Variants in GAS2 observed in about 807,000 individuals in gnomAD.
GAS2 encodes the protein growth arrest specific 2.
GAS2 carries 20 observed loss-of-function variants against 37.5 expected under a neutral mutation model. The ratio of observed to expected loss-of-function variants is 0.53; its 90% CI spans 0.37 to 0.77. GAS2 has a LOEUF of 0.77. Among genes scored for constraint, GAS2 ranks in the 30% least tolerant of loss-of-function variants. GAS2 has a pLI of 0.00. For synonymous variants in GAS2, 144 were observed against 132.2 expected (o/e 1.09, Z -0.61); for missense variants, 336 against 373.4 (o/e 0.90, Z 0.82).
chr11:22,715,854 A>T (rs1851649621), intron 3 of GAS2, among the ~76,000 whole-genome samples: 1 of 152,224 alleles, frequency 6.6e-6, no homozygotes, highest in South Asian at 2.1e-4. Context: ...TTAATCAAGT[A>T]TTACCCTAAT....
chr11:22,652,888 C>T (rs866203786), intron 1 of GAS2, among the ~76,000 whole-genome samples: 2 of 152,234 alleles, frequency 1.3e-5, no homozygotes, highest in African/African-American at 2.4e-5. Context: ...TCTTCTGCGT[C>T]GCTCACGCTG....
chr11:22,644,013 A>G (rs2133821146), intron 1 of GAS2, among the ~76,000 whole-genome samples: 1 of 152,184 alleles, frequency 6.6e-6, no homozygotes, highest in East Asian at 1.9e-4. Context: ...AAATGTCTTA[A>G]GAGAATTAAT....
intron 3 of GAS2, among the ~76,000 whole-genome samples, chr11:22,712,095 T>C (rs1193140491): frequency 6.6e-6 from 1 of 152,016 alleles, no homozygotes; most frequent in African/African-American, 2.4e-5. Flanking sequence ...GCCAACCAAC[T>C]CAAGTCATTA....
chr11:22,802,967 C>T (rs1856732699), intron 7 of GAS2, among the ~76,000 whole-genome samples: 1 of 152,096 alleles, frequency 6.6e-6, no homozygotes, highest in South Asian at 2.1e-4. Flanking sequence ...TCTTATGTAG[C>T]TTAGGTGTGT....
chr11:22,715,621 A>G (rs1022105235), intron 3 of GAS2, among the ~76,000 whole-genome samples: 2 of 152,060 alleles, frequency 1.3e-5, no homozygotes, highest in Non-Finnish European at 2.9e-5. Flanking sequence ...ATTCCTGGAA[A>G]TATACAACCC....
In GAS2 at chr11:22,716,674, G is replaced by A. The variant is rs368060625; in HGVS notation, c.268-9618G>A. On this transcript the variant is annotated intron_variant, in intron 3 of 7. Coordinates refer to ENST00000454584, the MANE Select transcript of GAS2 (RefSeq NM_001143830.3). ...AAAAAAAAAGAAAAAAAGAAATAAA[G>A]GACATTCAAATTAGTAAAGAGGAAG... is the stretch of plus-strand genomic sequence containing the variant. Among the ~76,000 whole-genome samples, 9 of 150,774 alleles carry A rather than the reference G, an allele frequency of 6.0e-5. No homozygotes were observed. The South Asian group carries it at 1.0e-3, about 18-fold the overall frequency.
rs757909562 is a variant in GAS2, at chr11:22,685,631, G to T, written c.146-37G>T. The T allele has an allele frequency of 1.0e-5, 16 of 1,597,434 alleles. No individual in the cohort carries two copies. In the African/African-American group the frequency reaches 1.3e-4, roughly 13 times the overall value. On this transcript the variant is annotated intron_variant, in intron 2 of 7. Coordinates refer to ENST00000454584, the MANE Select transcript of GAS2 (RefSeq NM_001143830.3). ...TTTATTTAGTGTGAATCTGACATTTGATTTTCCTTTTATAATGCTTCTTTT... is the reference window on the plus strand; with the variant it reads ...TTTATTTAGTGTGAATCTGACATTTTATTTTCCTTTTATAATGCTTCTTTT...
At chr11:22,733,914 C>T (rs1852613067) in intron 4 of GAS2, among the ~76,000 whole-genome samples, 1 of 151,772 alleles carries the variant, frequency 6.6e-6, no homozygotes, top group African/African-American at 2.4e-5. Context: ...TCTACCCCAA[C>T]TCAAAGCAAA....
intron 7 of GAS2, among the ~76,000 whole-genome samples, chr11:22,788,500 G>C (rs549009727): frequency 6.6e-6 from 1 of 152,224 alleles, no homozygotes; most frequent in South Asian, 2.1e-4. Context: ...GCCCCTACTT[G>C]TGAGAACCAA....
At chr11:22,717,309 A>G (rs921859680) in intron 3 of GAS2, among the ~76,000 whole-genome samples, 3 of 152,208 alleles carry the variant, frequency 2.0e-5, no homozygotes, top group Non-Finnish European at 2.9e-5. Context: ...ACATAGACCA[A>G]TGGAACAAAA....
chr11:22,694,236 C>T (rs2133984874), intron 3 of GAS2, among the ~76,000 whole-genome samples: 1 of 152,232 alleles, frequency 6.6e-6, no homozygotes, highest in Non-Finnish European at 1.5e-5. Context: ...ATTAATAAAC[C>T]ATAATCAGAT....
intron 3 of GAS2, among the ~76,000 whole-genome samples, chr11:22,714,218 G>T (rs573230777): frequency 6.6e-6 from 1 of 152,190 alleles, no homozygotes; most frequent in East Asian, 1.9e-4. Context: ...GTGAGCAGGG[G>T]TAGCTATTCT....
chr11:22,787,725 T>C (rs1365467193), intron 7 of GAS2, among the ~76,000 whole-genome samples: 1 of 152,214 alleles, frequency 6.6e-6, no homozygotes, highest in African/African-American at 2.4e-5. Context: ...CACTGCATTT[T>C]TATTCGGGGA....
intron 5 of GAS2, among the ~76,000 whole-genome samples, chr11:22,747,936 A>G (rs1292300251): frequency 1.3e-5 from 2 of 152,152 alleles, no homozygotes; most frequent in Admixed American, 6.6e-5. Flanking sequence ...TACTGAACAT[A>G]TGTGTAATGG....
At chr11:22,651,062 G>A (rs1848769450) in intron 1 of GAS2, among the ~76,000 whole-genome samples, 1 of 152,186 alleles carries the variant, frequency 6.6e-6, no homozygotes, top group Non-Finnish European at 1.5e-5. Context: ...GGTATCGGTT[G>A]TTCCTTTCCA....
At chr11:22,649,786 C>A (rs866156071) in intron 1 of GAS2, among the ~76,000 whole-genome samples, 1 of 151,706 alleles carries the variant, frequency 6.6e-6, no homozygotes, top group Non-Finnish European at 1.5e-5. Flanking sequence ...TTTTTTATTG[C>A]GTCTATTTGA....
chr11:22,790,756 C>T (rs182948070), intron 7 of GAS2, among the ~76,000 whole-genome samples: 4 of 151,944 alleles, frequency 2.6e-5, no homozygotes, highest in Non-Finnish European at 5.9e-5. Context: ...AGCCACCACA[C>T]CCAGCTTTCA....
chr11:22,678,387 G>T (rs1489054358), intron 2 of GAS2, among the ~76,000 whole-genome samples: 1 of 152,044 alleles, frequency 6.6e-6, no homozygotes. Flanking sequence ...TGGCTGTTTT[G>T]TCACTTCAGA....
At chr11:22,768,992 G>A (rs1393670495) in intron 7 of GAS2, among the ~76,000 whole-genome samples, 1 of 152,052 alleles carries the variant, frequency 6.6e-6, no homozygotes, top group Non-Finnish European at 1.5e-5. Flanking sequence ...ACTCAGTCCT[G>A]GACTCTATTT....
Sources: allele counts gnomAD v4.1 joint callset (sites outside exome capture counted in the v4.1 genomes callset), GRCh38; gene constraint gnomAD v4.1.1; transcripts MANE v1.5; gene names NCBI Gene and HGNC (gene_info 2026-07-23, HGNC 2026-07-21).